The following LRMDA variants were observed in gnomAD, a reference collection of about 807,000 sequenced individuals.
The protein encoded by LRMDA is leucine-rich melanocyte differentiation-associated protein.
In LRMDA, 18 loss-of-function variants were observed where a neutral mutation model predicts 29.8. That is an observed-to-expected ratio of 0.60 (90% CI 0.42 to 0.90). LRMDA has a LOEUF of 0.90. Among genes scored for constraint, LRMDA ranks in the 40% least tolerant of loss-of-function variants. LRMDA has a pLI of 0.00. For synonymous variants in LRMDA, 125 were observed against 109.4 expected, an observed-to-expected ratio of 1.14 and a Z score of -0.89; for missense variants, 273 against 273.9, an observed-to-expected ratio of 1.00 and a Z score of 0.02.
At chr10:76,434,976 C>G (rs982261143) in intron 6 of LRMDA, among the ~76,000 whole-genome samples, 5 of 152,136 alleles carry the variant, frequency 3.3e-5, no homozygotes. Flanking sequence ...GATACAGACC[C>G]TTCTTATTCT....
rs114245246 is a variant in LRMDA at position 75,529,152 on chromosome 10, A to G, written c.131+90658A>G. The stretch of plus-strand genomic sequence containing the variant: ...AGGTTCCAGATTGAAAGATTCCACT[A>G]AATGTCTACCATTAAAATAGACTCA... On this transcript the variant is annotated intron_variant, in intron 2 of 6. Transcript: ENST00000611255. 2.1e-3 allele frequency among the ~76,000 whole-genome samples: 318 copies of G among 152,342 alleles called. 2 individuals carry two copies. Among genetic ancestry groups the G allele is most frequent in the Middle Eastern group, 0.01 (3 of 294 alleles).
intron 5 of LRMDA, among the ~76,000 whole-genome samples, chr10:76,230,739 A>C (rs1852044196): frequency 6.6e-6 from 1 of 152,212 alleles, no homozygotes; most frequent in African/African-American, 2.4e-5. Flanking sequence ...TCAACAACAA[A>C]GTGCTGAAAT....
Position 76,497,496 on chromosome 10 carries a change from C to T in LRMDA, c.602-59713C>T, listed in dbSNP as rs1318030507. 1.2e-4 allele frequency among the ~76,000 whole-genome samples: 9 copies of T among 75,206 alleles called. 3 individuals carry two copies. The highest frequency in any genetic ancestry group is 2.6e-4 in the African/African-American group (8 of 30,948). The allele number at this position is 75,206 out of a possible 152,430, so 49.3% of individuals were successfully genotyped here. A position where few individuals can be genotyped will look rare whatever the true frequency, so the allele number is the denominator to read the frequency against. ...CCCCCTCTTCTTCAGGTAATGTCTG[C>T]CACCATGCCCACCACTTCAACTCAA... On this transcript the variant is annotated intron_variant, in intron 6 of 6. Coordinates refer to ENST00000611255, the MANE Select transcript of LRMDA (RefSeq NM_001305581.2).
intron 5 of LRMDA, among the ~76,000 whole-genome samples, chr10:76,140,431 A>C (rs1239245287): frequency 2.0e-5 from 3 of 152,054 alleles, no homozygotes; most frequent in African/African-American, 7.2e-5. Context: ...ACTCCCACCC[A>C]ACATCCTTCT....
At chr10:75,986,346 G>C (rs748281423) in intron 2 of LRMDA, among the ~76,000 whole-genome samples, 3 of 152,180 alleles carry the variant, frequency 2.0e-5, no homozygotes, top group Non-Finnish European at 4.4e-5. Context: ...TGGAATACCA[G>C]GATTGACTTA....
chr10:76,451,478 T>C (rs1277602793), intron 6 of LRMDA, among the ~76,000 whole-genome samples: 6 of 152,116 alleles, frequency 3.9e-5, no homozygotes, highest in African/African-American at 1.2e-4. Flanking sequence ...GTGCTGGGAT[T>C]ACAGGCGTGA....
chr10:76,375,743 G>C (rs1407343651), intron 6 of LRMDA, among the ~76,000 whole-genome samples: 1 of 150,268 alleles, frequency 6.7e-6, no homozygotes, highest in African/African-American at 2.4e-5. Context: ...TTTTTTTCGG[G>C]GGGAGAGGAT....
chr10:76,202,193 C>T (rs1040686857), intron 5 of LRMDA, among the ~76,000 whole-genome samples: 3 of 152,044 alleles, frequency 2.0e-5, no homozygotes, highest in Non-Finnish European at 2.9e-5. Flanking sequence ...ATTGTTTTGG[C>T]GAGAAATCAC....
chr10:75,461,880 A>G (rs557088678), intron 2 of LRMDA, among the ~76,000 whole-genome samples: 6 of 152,354 alleles, frequency 3.9e-5, no homozygotes, highest in South Asian at 4.1e-4. Context: ...CCAGAGCCCT[A>G]TGAGGTGGCG....
At chr10:75,754,746 C>T (rs531922745) in intron 2 of LRMDA, among the ~76,000 whole-genome samples, 58 of 152,122 alleles carry the variant, frequency 3.8e-4, no homozygotes, top group African/African-American at 8.4e-4. Flanking sequence ...CCCTTTTCCC[C>T]GTTTCCTTCA....
chr10:75,669,695 G>A (rs1841867413), intron 2 of LRMDA, among the ~76,000 whole-genome samples: 1 of 152,112 alleles, frequency 6.6e-6, no homozygotes, highest in Non-Finnish European at 1.5e-5. Flanking sequence ...CTTAAACTTG[G>A]CTTTAACCTT....
At chr10:75,835,921 CTGT>C (rs1176003420) in intron 2 of LRMDA, among the ~76,000 whole-genome samples, 1 of 152,178 alleles carries the variant, frequency 6.6e-6, no homozygotes, top group African/African-American at 2.4e-5. Context: ...ACTTAGTTTA[CTGT>C]TGTTGTTCTT....
At chr10:76,370,974 G>T (rs534083175) in intron 6 of LRMDA, among the ~76,000 whole-genome samples, 1 of 152,190 alleles carries the variant, frequency 6.6e-6, no homozygotes, top group South Asian at 2.1e-4. Flanking sequence ...ACTGAACAAG[G>T]AGTTTCAAAT....
chr10:75,596,991 T>A (rs1840798031), intron 2 of LRMDA, among the ~76,000 whole-genome samples: 1 of 151,888 alleles, frequency 6.6e-6, no homozygotes, highest in African/African-American at 2.4e-5. Context: ...CTTTCCTGTT[T>A]AAGGGCTCAT....
intron 6 of LRMDA, among the ~76,000 whole-genome samples, chr10:76,326,373 G>A (rs12219288): frequency 0.15 from 22,500 of 152,090 alleles, 2,878 homozygotes; most frequent in African/African-American, 0.34. Context: ...CATTTTTTTA[G>A]TATTTAAAAG....
chr10:75,603,438 T>C (rs56784096), intron 2 of LRMDA, among the ~76,000 whole-genome samples: 20,958 of 152,112 alleles, frequency 0.14, 4,581 homozygotes, highest in African/African-American at 0.46. Flanking sequence ...TTTAAAATCT[T>C]GAAAAATATT....
intron 6 of LRMDA, among the ~76,000 whole-genome samples, chr10:76,531,553 T>G (rs1843233894): frequency 6.6e-6 from 1 of 152,194 alleles, no homozygotes; most frequent in South Asian, 2.1e-4. Context: ...AATGATTTTA[T>G]TTTTTTAAAT....
chr10:76,436,261 A>C (rs1842243743), intron 6 of LRMDA, among the ~76,000 whole-genome samples: 1 of 152,200 alleles, frequency 6.6e-6, no homozygotes, highest in Non-Finnish European at 1.5e-5. Context: ...TATATTAATA[A>C]ATGCAGAGTC....
At chr10:75,518,013 C>T (rs1286593093) in intron 2 of LRMDA, among the ~76,000 whole-genome samples, 2 of 152,236 alleles carry the variant, frequency 1.3e-5, no homozygotes, top group East Asian at 1.9e-4. Flanking sequence ...TATTGATTCA[C>T]CTATGTTGAA....
Sources: gnomAD v4.1 joint callset for allele counts (sites outside exome capture counted in the v4.1 genomes callset) on GRCh38, gnomAD v4.1.1 for gene constraint, MANE v1.5 for transcripts, NCBI Gene and HGNC (gene_info 2026-07-23, HGNC 2026-07-21) for gene names.